Variants in VAMP2 observed in about 807,000 individuals in gnomAD.
VAMP2 encodes the protein vesicle-associated membrane protein 2.
For missense variants in VAMP2, 95 were observed against 151.3 expected (o/e 0.63, Z 1.95); for synonymous variants, 67 against 57.3 (o/e 1.17, Z -0.76).
At position 8,159,550 on chromosome 17, in the gene VAMP2, C is replaced by G. The variant is rs1033222418; in HGVS notation, c.*1305G>C. 6.5e-6 allele frequency: 1 copy of G among 152,674 alleles called. No individual in the cohort carries two copies. The highest frequency in any genetic ancestry group is 1.5e-5 in the Non-Finnish European group (1 of 68,074). 9.5% of individuals were successfully genotyped at this position (152,674 alleles called of 1,614,324 possible). On this transcript the variant is annotated 3_prime_UTR_variant, in exon 5 of 5. Transcript: ENST00000316509. ...TCCCCGTTTTCCAGCAAGTCCCATA[C>G]ACACATTGGCAGTGACTAGTACCCC...
chr17:8,162,775 C>G, intron 1 of VAMP2, 103 bp downstream of exon 1: 1 of 1,235,614 alleles, frequency 8.1e-7, no homozygotes, highest in Non-Finnish European at 1.0e-6. Context: ...GGCCCCGGGG[C>G]GCGGGGAACG....
At chr17:8,162,540 G>A (rs1486138094) in intron 1 of VAMP2, 171 bp from the exon 2 acceptor site, 1 of 1,488,754 alleles carries the variant, frequency 6.7e-7, no homozygotes, top group African/African-American at 1.4e-5. Flanking sequence ...TGAGCTGCGT[G>A]ACCTTGAGCG....
chr17:8,160,916 GAA>G, intron 4 of VAMP2, 45 bp from the exon 5 acceptor site: 3 of 1,440,352 alleles, frequency 2.1e-6, no homozygotes, highest in African/African-American at 1.4e-5. Flanking sequence ...AGAGGGGAGA[GAA>G]AGAGAGAGAA....
rs753946523 is a variant in VAMP2 at position 8,161,479 on chromosome 17, T to C, written c.328A>G (p.Ile110Val). The C allele has an allele frequency of 1.2e-6, 2 of 1,613,972 alleles. No homozygotes were observed. The highest frequency in any genetic ancestry group is 1.7e-5 in the Admixed American group (1 of 59,998). Residue 110 changes from isoleucine to valine, a missense_variant, in exon 4 of 5, where the codon ATC becomes GTC. Coordinates refer to ENST00000316509, the MANE Select transcript of VAMP2 (RefSeq NM_014232.3). ...GVICAIILII[I>V]IVYFST is the part of the protein sequence containing the mutation. ...CCATTCTCACCCTACTCACCTATGA[T>C]GATGATGAGGATGATGGCGCAAATC... is the stretch of plus-strand genomic sequence containing the variant.
At position 8,159,919 on chromosome 17, in the gene VAMP2, C is replaced by A. The variant is rs1156703536; in HGVS notation, c.*936G>T. On this transcript the variant is annotated 3_prime_UTR_variant, in exon 5 of 5. Coordinates refer to ENST00000316509, the MANE Select transcript of VAMP2 (RefSeq NM_014232.3). Reference sequence around the variant, plus strand: ...TGGGGAGCAGGAATGTAGGGAGAAACCCGAAGTGGCAGAATTATTGGTCCA... The same window carrying A: ...TGGGGAGCAGGAATGTAGGGAGAAAACCGAAGTGGCAGAATTATTGGTCCA... 6.6e-6 allele frequency: 1 copy of A among 152,488 alleles called. No individual in the cohort carries two copies. The highest frequency in any genetic ancestry group is 2.4e-5 in the African/African-American group (1 of 41,440). The allele number at this position is 152,488 out of a possible 1,614,324, so 9.4% of individuals were successfully genotyped here.
Position 8,161,603 on chromosome 17 carries a change from C to T in VAMP2, c.282+5G>A. ...ACCTGTCCTCCTTCCTGTCCCCACC[C>T]TTACCTTGAGGTTTTTCCACCAGTA... On this transcript the variant is annotated splice_donor_5th_base_variant and intron_variant, in intron 3 of 4. Transcript: ENST00000316509. 3 of 1,614,082 alleles carry T rather than the reference C, an allele frequency of 1.9e-6. No homozygotes were observed. The highest frequency in any genetic ancestry group is 1.7e-6 in the Non-Finnish European group (2 of 1,179,944).
Position 8,162,885 on chromosome 17 carries a change from G to C in VAMP2, c.-6C>G. 1 of 1,212,638 alleles carries C rather than the reference G, an allele frequency of 8.2e-7. No individual in the cohort carries two copies. Among genetic ancestry groups the C allele is most frequent in the Non-Finnish European group, 1.0e-6 (1 of 975,520 alleles). 75.1% of individuals were successfully genotyped at this position (1,212,638 alleles called of 1,614,324 possible). On this transcript the variant is annotated 5_prime_UTR_variant, in exon 1 of 5. Transcript: ENST00000316509. Reference sequence around the variant, plus strand: ...GGCGGGCGGCCGACTCACATGGCGGGGGCAGCGGGTGGAGGACTTGGCAGC... The same window carrying C: ...GGCGGGCGGCCGACTCACATGGCGGCGGCAGCGGGTGGAGGACTTGGCAGC...
chr17:8,160,582 G>C lies in VAMP2; in HGVS notation c.*273C>G, dbSNP rs941456807. The C allele has an allele frequency of 1.3e-5, 3 of 226,804 alleles. No homozygotes were observed. Among genetic ancestry groups the C allele is most frequent in the African/African-American group, 2.3e-5 (1 of 43,202 alleles). The allele number at this position is 226,804 out of a possible 1,614,324, so 14.0% of individuals were successfully genotyped here. A position where few individuals can be genotyped will look rare whatever the true frequency, so the allele number is the denominator to read the frequency against. On this transcript the variant is annotated 3_prime_UTR_variant, in exon 5 of 5. Transcript: ENST00000316509. ...TAGTCAGGAAGAAAGGGAAAGGGAA[G>C]GAAGGCAAGAGAGAGGGGTGAAGGG...
chr17:8,161,614 G>A lies in VAMP2; in HGVS notation c.276C>T (p.Asn92=). ...TTCCTGTCCCCACCCTTACCTTGAG[G>A]TTTTTCCACCAGTATTTGCGCTTGA... ...AKLKRKYWWK[N]LKMMIILGVI... Residue 92 remains asparagine, a synonymous_variant, in exon 3 of 5, where the codon AAC becomes AAT. Coordinates refer to ENST00000316509, the MANE Select transcript of VAMP2 (RefSeq NM_014232.3). The A allele has an allele frequency of 6.2e-7, 1 of 1,614,062 alleles. No individual in the cohort carries two copies. The highest frequency in any genetic ancestry group is 8.5e-7 in the Non-Finnish European group (1 of 1,179,966).
intron 2 of VAMP2, 152 bp downstream of exon 2, chr17:8,162,097 G>T: frequency 7.6e-7 from 1 of 1,313,890 alleles, no homozygotes; most frequent in Non-Finnish European, 1.0e-6. Context: ...TTCCAAGTGC[G>T]TGCTGACAGG....
chr17:8,161,306 G>T, intron 4 of VAMP2, 167 bp downstream of exon 4: 9 of 1,009,256 alleles, frequency 8.9e-6, no homozygotes, highest in Non-Finnish European at 1.3e-5. Flanking sequence ...CAAAATGCAG[G>T]CTAAATAACA....
At chr17:8,162,054 G>A (rs979291817) in intron 2 of VAMP2, among the ~76,000 whole-genome samples, 195 bp downstream of exon 2, 12 of 152,186 alleles carry the variant, frequency 7.9e-5, no homozygotes, top group African/African-American at 2.9e-4. Context: ...GCACACCCCA[G>A]GCTAGCAAAG....
At chr17:8,161,581 T>TGTCCTCCTTCCTGTCCCCACCC (rs779734624) in intron 3 of VAMP2, 27 bp downstream of exon 3, 1 of 1,613,962 alleles carries the variant, frequency 6.2e-7, no homozygotes, top group South Asian at 1.1e-5. Flanking sequence ...TTCACCCACC[T>TGTCCTCCTTCCTGTCCCCACCC]GTCCTCCTTC....
At chr17:8,162,197 T>C (rs1374308466) in intron 2 of VAMP2, 52 bp downstream of exon 2, 1 of 1,500,224 alleles carries the variant, frequency 6.7e-7, no homozygotes, top group African/African-American at 1.4e-5. Flanking sequence ...CCTACACCTA[T>C]ACGCCAACCC....
At chr17:8,161,808 C>T (rs763478113) in intron 2 of VAMP2, 42 bp from the exon 3 acceptor site, 3 of 1,596,172 alleles carry the variant, frequency 1.9e-6, no homozygotes, top group Non-Finnish European at 2.6e-6. Flanking sequence ...TGCCAAGGCC[C>T]ACCTCAGTGA....
Position 8,162,910 on chromosome 17 carries a change from C to T in VAMP2, c.-31G>A. On this transcript the variant is annotated 5_prime_UTR_variant, in exon 1 of 5. Coordinates refer to ENST00000316509, the MANE Select transcript of VAMP2 (RefSeq NM_014232.3). ...GGGCAGCGGGTGGAGGACTTGGCAG[C>T]GGCAGTGATGGCGGCGGCGGCTCGC... 8.3e-7 allele frequency: 1 copy of T among 1,209,206 alleles called. No individual in the cohort carries two copies. The allele number at this position is 1,209,206 out of a possible 1,614,324, so 74.9% of individuals were successfully genotyped here.
rs1414338691 is a variant in VAMP2, at chr17:8,160,736, G to A, written c.*119C>T. ...GCTATTTACAGGGGGACACACACAC[G>A]GACACACACACACACGGATCCAGGG... On this transcript the variant is annotated 3_prime_UTR_variant, in exon 5 of 5. Transcript: ENST00000316509. The A allele has an allele frequency of 5.5e-6, 5 of 912,080 alleles. No individual in the cohort carries two copies. The highest frequency in any genetic ancestry group is 4.6e-5 in the South Asian group (2 of 43,918). 56.5% of individuals were successfully genotyped at this position (912,080 alleles called of 1,614,324 possible).
intron 1 of VAMP2, chr17:8,162,629 C>T: frequency 1.4e-6 from 2 of 1,397,408 alleles, no homozygotes; most frequent in Non-Finnish European, 1.9e-6. Flanking sequence ...CCCGAAAAGA[C>T]AGGCGGCCGC....
intron 1 of VAMP2, chr17:8,162,610 C>T: frequency 1.4e-6 from 2 of 1,406,962 alleles, no homozygotes; most frequent in Non-Finnish European, 1.8e-6. Context: ...CAGATGCGAT[C>T]CGGGTCGACC....
Sources: allele counts gnomAD v4.1 joint callset (sites outside exome capture counted in the v4.1 genomes callset), GRCh38; gene constraint gnomAD v4.1.1; transcripts MANE v1.5; gene names NCBI Gene and HGNC (gene_info 2026-07-23, HGNC 2026-07-21).